Variants in ANXA3 observed in about 807,000 individuals in gnomAD.
ANXA3 encodes annexin A3.
In ANXA3, 46 loss-of-function variants were observed where a neutral mutation model predicts 48.8. The ratio of observed to expected loss-of-function variants is 0.94; its 90% CI spans 0.74 to 1.21. The LOEUF is 1.21. ANXA3 is among the 50% of genes most tolerant of loss of function. The pLI is 0.00. For synonymous variants in ANXA3, 128 were observed against 134.7 expected, an observed-to-expected ratio of 0.95 and a Z score of 0.35; for missense variants, 383 against 378.6, an observed-to-expected ratio of 1.01 and a Z score of -0.10.
intron 7 of ANXA3, 77 bp from the exon 8 acceptor site, chr4:78,595,304 C>A: frequency 6.7e-7 from 1 of 1,482,348 alleles, no homozygotes; most frequent in Non-Finnish European, 9.4e-7. Context: ...CCACTAAGAT[C>A]CCCTGCTGGT....
In ANXA3 at chr4:78,556,212, G is replaced by A. The variant is rs72659068; in HGVS notation, c.15+1724G>A. On this transcript the variant is annotated intron_variant, in intron 2 of 12. Coordinates refer to ENST00000264908, the MANE Select transcript of ANXA3 (RefSeq NM_005139.3). The stretch of plus-strand genomic sequence containing the variant: ...GCATAAATGTCCATCGATAGGGTAG[G>A]AATAAGTAAATTACTCATTTATAAC... Among the ~76,000 whole-genome samples, 1,437 of 152,188 alleles carry A rather than the reference G, an allele frequency of 9.4e-3. 9 individuals carry two copies. Among genetic ancestry groups the A allele is most frequent in the Non-Finnish European group, 0.014 (961 of 68,010 alleles).
chr4:78,586,663 C>T (rs965578675), intron 6 of ANXA3, among the ~76,000 whole-genome samples: 6 of 152,132 alleles, frequency 3.9e-5, no homozygotes, highest in Admixed American at 6.5e-5. Flanking sequence ...AGACTCAAAT[C>T]GTATTTTATT....
chr4:78,559,596 G>A (rs2109924868), intron 2 of ANXA3, among the ~76,000 whole-genome samples: 2 of 152,284 alleles, frequency 1.3e-5, no homozygotes, highest in Middle Eastern at 6.8e-3. Flanking sequence ...TTGTTTTGAA[G>A]TTCATCCAAA....
intron 3 of ANXA3, among the ~76,000 whole-genome samples, chr4:78,574,396 G>A (rs550476724): frequency 4.6e-5 from 7 of 152,214 alleles, no homozygotes; most frequent in African/African-American, 1.2e-4. Context: ...CTCCAGCCTC[G>A]ATGACAGAGT....
chr4:78,562,287 TATAAG>T (rs1280545499), intron 2 of ANXA3, among the ~76,000 whole-genome samples: 1 of 152,200 alleles, frequency 6.6e-6, no homozygotes, highest in Admixed American at 6.5e-5. Flanking sequence ...TCACATGAAT[TATAAG>T]AGAATAAATC....
chr4:78,589,211 C>A (rs1723237489), intron 6 of ANXA3, among the ~76,000 whole-genome samples: 1 of 152,140 alleles, frequency 6.6e-6, no homozygotes, highest in Non-Finnish European at 1.5e-5. Flanking sequence ...GTCTTAAGAG[C>A]CAAGTGAAAC....
chr4:78,583,158 G>A (rs563495796), intron 5 of ANXA3, among the ~76,000 whole-genome samples: 23 of 144,622 alleles, frequency 1.6e-4, no homozygotes, highest in African/African-American at 6.0e-4. Flanking sequence ...GGGCAACTTG[G>A]AGAAACCCTG....
rs771970193 is a variant in ANXA3 at position 78,591,538 on chromosome 4, T to C, written c.404-6T>C. ...AAGGCTTAATTTCATTCTGATTTGGTTTCAGTATACAAGAAGAGTCTTGGA... is the reference window on the plus strand; with the variant it reads ...AAGGCTTAATTTCATTCTGATTTGGCTTCAGTATACAAGAAGAGTCTTGGA... On this transcript the variant is annotated splice_polypyrimidine_tract_variant and splice_region_variant and intron_variant, in intron 6 of 12. Coordinates refer to ENST00000264908, the MANE Select transcript of ANXA3 (RefSeq NM_005139.3). 6.2e-7 allele frequency: 1 copy of C among 1,600,566 alleles called. No homozygotes were observed. The highest frequency in any genetic ancestry group is 1.3e-5 in the African/African-American group (1 of 74,662).
chr4:78,553,004 G>A (rs748115819), intron 1 of ANXA3, among the ~76,000 whole-genome samples: 1 of 152,214 alleles, frequency 6.6e-6, no homozygotes, highest in Non-Finnish European at 1.5e-5. Flanking sequence ...TTTGGCCTTC[G>A]CTGTGGAGTA....
intron 6 of ANXA3, among the ~76,000 whole-genome samples, chr4:78,590,661 T>A (rs1723272615): frequency 6.6e-6 from 1 of 152,072 alleles, no homozygotes; most frequent in African/African-American, 2.4e-5. Context: ...GGGCTACAAC[T>A]AGTCAGTACT....
chr4:78,581,532 A>G (rs1261819574), intron 4 of ANXA3, among the ~76,000 whole-genome samples: 1 of 152,234 alleles, frequency 6.6e-6, no homozygotes, highest in Non-Finnish European at 1.5e-5. Flanking sequence ...GTTTGAGATG[A>G]TGGGTATGCA....
At chr4:78,562,496 T>A (rs1380501295) in intron 2 of ANXA3, among the ~76,000 whole-genome samples, 1 of 152,226 alleles carries the variant, frequency 6.6e-6, no homozygotes, top group Non-Finnish European at 1.5e-5. Flanking sequence ...CCATATGGCA[T>A]GGAGCTCTGA....
chr4:78,595,945 AT>A, intron 9 of ANXA3, 58 bp downstream of exon 9: 1 of 1,194,126 alleles, frequency 8.4e-7, no homozygotes, highest in Non-Finnish European at 1.2e-6. Context: ...ATGTTTTTGC[AT>A]TTAGTATACA....
chr4:78,575,868 C>A (rs1032864046), intron 3 of ANXA3, among the ~76,000 whole-genome samples: 1 of 151,698 alleles, frequency 6.6e-6, no homozygotes, highest in East Asian at 1.9e-4. Flanking sequence ...GTATTATGAT[C>A]TTAAATCTAC....
intron 1 of ANXA3, 42 bp from the exon 2 acceptor site, chr4:78,554,394 A>G (rs1333199133): frequency 3.1e-6 from 4 of 1,310,678 alleles, no homozygotes; most frequent in African/African-American, 2.9e-5. Flanking sequence ...TGTGTTCTGA[A>G]TCACATATTG....
At chr4:78,553,712 G>T (rs1187239092) in intron 1 of ANXA3, among the ~76,000 whole-genome samples, 2 of 152,200 alleles carry the variant, frequency 1.3e-5, no homozygotes, top group Non-Finnish European at 2.9e-5. Flanking sequence ...GACTAATAGT[G>T]TAATTTCCCA....
chr4:78,562,951 CAAA>C (rs1168361656), intron 2 of ANXA3, among the ~76,000 whole-genome samples: 5 of 151,878 alleles, frequency 3.3e-5, no homozygotes, highest in Non-Finnish European at 5.9e-5. Flanking sequence ...TCCCACGAAG[CAAA>C]AACAGGGATA....
chr4:78,579,116 G>C lies in ANXA3; in HGVS notation c.193G>C (p.Gly65Arg), dbSNP rs1411457870. The change falls in exon 4 of 13, where the codon GGA becomes CGA. Residue 65 changes from glycine to arginine, a missense_variant. Gly to Arg is a moderately radical substitution (Grantham distance 125, BLOSUM62 -2). Coordinates refer to ENST00000264908, the MANE Select transcript of ANXA3 (RefSeq NM_005139.3). ...LIVKEYQAAYGKELKDDLKGD... is the reference protein window; with the variant it reads ...LIVKEYQAAYRKELKDDLKGD... ...TGTTAAGGAATATCAAGCAGCATAT[G>C]GAAAGGTAAGGTCACATTAACATGA... is the stretch of plus-strand genomic sequence containing the variant. 6.2e-7 allele frequency: 1 copy of C among 1,607,004 alleles called. No individual in the cohort carries two copies. The highest frequency in any genetic ancestry group is 2.2e-5 in the East Asian group (1 of 44,830).
chr4:78,560,150 A>G (rs1012610551), intron 2 of ANXA3, among the ~76,000 whole-genome samples: 1 of 152,166 alleles, frequency 6.6e-6, no homozygotes, highest in Non-Finnish European at 1.5e-5. Context: ...ATATTTCTAA[A>G]GACATAAAAT....
Sources: gnomAD v4.1 joint callset for allele counts (sites outside exome capture counted in the v4.1 genomes callset) on GRCh38, gnomAD v4.1.1 for gene constraint, MANE v1.5 for transcripts, NCBI Gene and HGNC (gene_info 2026-07-23, HGNC 2026-07-21) for gene names.